The following CXXC4 variants were observed in gnomAD, a reference collection of about 807,000 sequenced individuals.
CXXC4 encodes CXXC finger protein 4, also known as CXXC-type zinc finger protein 4.
A neutral mutation model predicts 20.5 loss-of-function variants in CXXC4; 5 were observed. The ratio of observed to expected loss-of-function variants is 0.24; its 90% CI spans 0.13 to 0.51. CXXC4 has a LOEUF of 0.51. CXXC4 is among the 20% of genes least tolerant of loss of function. CXXC4 has a pLI of 0.97. For missense variants in CXXC4, 419 were observed against 496.4 expected (o/e 0.84, Z 1.48); for synonymous variants, 250 against 216.4 (o/e 1.16, Z -1.36).
chr4:104,469,317 T>C lies in CXXC4; in HGVS notation c.*3005A>G, dbSNP rs1165209157. On this transcript the variant is annotated 3_prime_UTR_variant, in exon 3 of 3. Coordinates refer to ENST00000394767, the MANE Select transcript of CXXC4 (RefSeq NM_025212.4). ...GTATCAACGCCTCAAGTATTTACCA[T>C]GATCTCCCCAAATGCTGGCAGATTA... 1 of 152,056 alleles carries C rather than the reference T, an allele frequency of 6.6e-6. No homozygotes were observed. Among genetic ancestry groups the C allele is most frequent in the Non-Finnish European group, 1.5e-5 (1 of 67,982 alleles). 9.4% of individuals were successfully genotyped at this position (152,056 alleles called of 1,614,324 possible). A position where few individuals can be genotyped will look rare whatever the true frequency, so the allele number is the denominator to read the frequency against.
intron 1 of CXXC4, among the ~76,000 whole-genome samples, chr4:104,492,485 T>A (rs2110281819): frequency 6.6e-6 from 1 of 152,114 alleles, no homozygotes; most frequent in East Asian, 1.9e-4. Context: ...GGCATGCAAA[T>A]GCTGTAAAGT....
Position 104,491,305 on chromosome 4 carries a change from G to A in CXXC4, c.498C>T (p.Ser166=), listed in dbSNP as rs1163534862. The change falls in exon 2 of 3, where the codon AGC becomes AGT. Residue 166 remains serine, a synonymous_variant. Transcript: ENST00000394767. ...GGGGGGGGGG[S]RTSMHHRNDS... ...CGTTTCGGTGGTGCATGCTGGTCCT[G>A]CTGCCGCCGCCGCCGCCGCCGCCGC... is the stretch of plus-strand genomic sequence containing the variant. The A allele has an allele frequency of 2.5e-6, 4 of 1,578,512 alleles. No homozygotes were observed. Among genetic ancestry groups the A allele is most frequent in the Non-Finnish European group, 2.6e-6 (3 of 1,164,812 alleles).
At chr4:104,472,726 T>C (rs1337494200) in intron 2 of CXXC4, among the ~76,000 whole-genome samples, 1 of 151,986 alleles carries the variant, frequency 6.6e-6, no homozygotes, top group Non-Finnish European at 1.5e-5. Flanking sequence ...CCTTGCAGAA[T>C]GCCTACATCA....
chr4:104,476,187 T>G (rs1298478302), intron 2 of CXXC4, among the ~76,000 whole-genome samples: 1 of 152,126 alleles, frequency 6.6e-6, no homozygotes, highest in Non-Finnish European at 1.5e-5. Context: ...TTAATAATGT[T>G]CCTGGCAGAT....
At chr4:104,472,445 C>A in intron 2 of CXXC4, 79 bp from the exon 3 acceptor site, 1 of 1,007,838 alleles carries the variant, frequency 9.9e-7, no homozygotes, top group South Asian at 1.5e-5. Context: ...CTTTACACTT[C>A]AGCAATATTT....
chr4:104,474,279 C>T (rs1223202761), intron 2 of CXXC4, among the ~76,000 whole-genome samples: 1 of 151,930 alleles, frequency 6.6e-6, no homozygotes, highest in Non-Finnish European at 1.5e-5. Context: ...ACTATGCATA[C>T]CTGAATCTCT....
chr4:104,478,304 A>C (rs1736467644), intron 2 of CXXC4, among the ~76,000 whole-genome samples: 1 of 152,166 alleles, frequency 6.6e-6, no homozygotes, highest in African/African-American at 2.4e-5. Context: ...TAACTTCTGC[A>C]AATGGAAAGA....
At chr4:104,490,088 T>G (rs1050593898) in intron 2 of CXXC4, among the ~76,000 whole-genome samples, 1 of 152,206 alleles carries the variant, frequency 6.6e-6, no homozygotes, top group Non-Finnish European at 1.5e-5. Flanking sequence ...AAGTCACATC[T>G]CCTCAAAATT....
rs750528720 is a variant in CXXC4 at position 104,491,288 on chromosome 4, T to C, written c.515A>G (p.His172Arg). ...CCCCAGCCTCTGGGAGTCGTTTCGG[T>C]GGTGCATGCTGGTCCTGCTGCCGCC... ...GGGGSRTSMH[H>R]RNDSQRLGKA... is the part of the protein sequence containing the mutation. Residue 172 changes from histidine to arginine, a missense_variant, in exon 2 of 3, where the codon CAC (histidine) becomes CGC (arginine). His to Arg is a conservative substitution (Grantham distance 29). This residue lies in a region of CXXC4 where 388 missense variants were observed against 416.0 expected (regional missense o/e 0.93). Transcript: ENST00000394767. 1 of 1,609,960 alleles carries C rather than the reference T, an allele frequency of 6.2e-7. No homozygotes were observed. The highest frequency in any genetic ancestry group is 1.1e-5 in the South Asian group (1 of 90,880).
intron 2 of CXXC4, among the ~76,000 whole-genome samples, chr4:104,484,361 T>A (rs1736631277): frequency 6.6e-6 from 1 of 152,000 alleles, no homozygotes; most frequent in African/African-American, 2.4e-5. Context: ...ATTTCTTACC[T>A]ATGTGGCCAC....
At position 104,489,148 on chromosome 4, in the gene CXXC4, G is replaced by GA. The variant is rs146134003; in HGVS notation, c.1059+1595dup. ...ATAGTTGCTATTATATTTGCACAAAGAAAGTTGCCAAAGAAAATGTAATAA... is the reference window on the plus strand; with the variant it reads ...ATAGTTGCTATTATATTTGCACAAAGAAAAGTTGCCAAAGAAAATGTAATAA... On this transcript the variant is annotated intron_variant, in intron 2 of 2. Coordinates refer to ENST00000394767, the MANE Select transcript of CXXC4 (RefSeq NM_025212.4). Among the ~76,000 whole-genome samples the GA allele has an allele frequency of 4.1e-3, 619 of 152,200 alleles. 5 individuals are homozygous for GA. The highest frequency in any genetic ancestry group is 0.014 in the African/African-American group (592 of 41,530).
intron 2 of CXXC4, among the ~76,000 whole-genome samples, chr4:104,478,785 C>T (rs188545036): frequency 1.3e-5 from 2 of 151,618 alleles, no homozygotes; most frequent in East Asian, 3.9e-4. Context: ...TATACTTAAC[C>T]TTATGTGTAA....
At chr4:104,475,651 C>T (rs768393100) in intron 2 of CXXC4, among the ~76,000 whole-genome samples, 5 of 152,028 alleles carry the variant, frequency 3.3e-5, no homozygotes, top group African/African-American at 7.3e-5. Flanking sequence ...TTAAATGGTG[C>T]GGGGGCTCAG....
intron 2 of CXXC4, among the ~76,000 whole-genome samples, chr4:104,489,510 C>T (rs1736785464): frequency 6.6e-6 from 1 of 152,118 alleles, no homozygotes; most frequent in African/African-American, 2.4e-5. Context: ...CTTGTGAGAG[C>T]CACTCTCATC....
intron 2 of CXXC4, among the ~76,000 whole-genome samples, chr4:104,489,565 G>A (rs1736786993): frequency 6.6e-6 from 1 of 152,170 alleles, no homozygotes; most frequent in Admixed American, 6.5e-5. Context: ...AGCACAGAAT[G>A]CTAAACCCAC....
At position 104,491,014 on chromosome 4, in the gene CXXC4, G is replaced by A. The variant is rs1158627952; in HGVS notation, c.789C>T (p.Ala263=). 3.1e-6 allele frequency: 5 copies of A among 1,614,078 alleles called. No individual in the cohort carries two copies. The highest frequency in any genetic ancestry group is 1.1e-5 in the South Asian group (1 of 91,088). Residue 263 remains alanine, a synonymous_variant, in exon 2 of 3, where the codon GCC becomes GCT. Coordinates refer to ENST00000394767, the MANE Select transcript of CXXC4 (RefSeq NM_025212.4). The part of the protein sequence containing the change: ...VMTALHSPAA[A]SAAVTDSAFQ... The stretch of plus-strand genomic sequence containing the variant: ...ACGCACTGTCTGTGACGGCTGCTGA[G>A]GCTGCTGCGGGGGAGTGAAGGGCTG...
intron 2 of CXXC4, among the ~76,000 whole-genome samples, chr4:104,483,301 A>C (rs188751200): frequency 6.6e-6 from 1 of 152,104 alleles, no homozygotes; most frequent in African/African-American, 2.4e-5. Flanking sequence ...CAAAGCATAC[A>C]TCCATAATTC....
chr4:104,487,917 GA>G (rs1317965882), intron 2 of CXXC4, among the ~76,000 whole-genome samples: 1 of 152,008 alleles, frequency 6.6e-6, no homozygotes, highest in African/African-American at 2.4e-5. Flanking sequence ...AGGAGGCTTT[GA>G]AAAAAATCTG....
At chr4:104,477,885 A>AATGAATTTATTATTATAGATTAT (rs1220206834) in intron 2 of CXXC4, among the ~76,000 whole-genome samples, 11 of 152,252 alleles carry the variant, frequency 7.2e-5, no homozygotes, top group African/African-American at 2.4e-4. Context: ...TTATTACATA[A>AATGAATTTATTATTATAGATTAT]CTGTATGTCT....
Sources: allele counts gnomAD v4.1 joint callset (sites outside exome capture counted in the v4.1 genomes callset), GRCh38; gene constraint gnomAD v4.1.1; regional missense constraint gnomAD v4.1.1; transcripts MANE v1.5; gene names NCBI Gene and HGNC (gene_info 2026-07-23, HGNC 2026-07-21).